Variants in MITF observed in about 807,000 individuals in gnomAD.
MITF encodes microphthalmia-associated transcription factor.
Under a neutral mutation model 60.5 loss-of-function variants are expected in MITF, and 17 were observed. That is an observed-to-expected ratio of 0.28 (90% CI 0.19 to 0.42). The LOEUF is 0.42. Among genes scored for constraint, MITF ranks in the 10% least tolerant of loss-of-function variants. The probability of loss-of-function intolerance (pLI) is 1.00; values close to 1 mark genes in which losing one functional copy is unlikely to be tolerated. For missense variants in MITF, 622 were observed against 683.5 expected (o/e 0.91, Z 1.00); for synonymous variants, 260 against 248.5 (o/e 1.05, Z -0.43).
At chr3:69,765,409 A>G (rs1298248320) in intron 1 of MITF, among the ~76,000 whole-genome samples, 1 of 152,228 alleles carries the variant, frequency 6.6e-6, no homozygotes, top group East Asian at 1.9e-4. Flanking sequence ...TTTATTCCAG[A>G]GTCAAAATAG....
At chr3:69,924,962 G>T (rs1220673175) in intron 2 of MITF, among the ~76,000 whole-genome samples, 3 of 152,064 alleles carry the variant, frequency 2.0e-5, no homozygotes, top group Non-Finnish European at 4.4e-5. Flanking sequence ...ATACAGGAAA[G>T]AGGCTGAATA....
intron 1 of MITF, among the ~76,000 whole-genome samples, chr3:69,846,648 C>G (rs1241626690): frequency 6.6e-6 from 1 of 151,804 alleles, no homozygotes; most frequent in Non-Finnish European, 1.5e-5. Flanking sequence ...GAAACCTTGT[C>G]TCTACTAAAA....
intron 2 of MITF, among the ~76,000 whole-genome samples, chr3:69,921,305 A>AT (rs2065463075): frequency 6.6e-6 from 1 of 152,194 alleles, no homozygotes; most frequent in South Asian, 2.1e-4. Context: ...TTTATTTACT[A>AT]TTTTATCAGA....
At chr3:69,919,815 G>A (rs1437614614) in intron 2 of MITF, among the ~76,000 whole-genome samples, 2 of 115,804 alleles carry the variant, frequency 1.7e-5, no homozygotes, top group Non-Finnish European at 4.5e-5. Flanking sequence ...TTATTTGCTG[G>A]GGTTTTTTTT....
intron 1 of MITF, among the ~76,000 whole-genome samples, chr3:69,806,087 ATT>A (rs1158336527): frequency 3.5e-5 from 5 of 142,352 alleles, no homozygotes; most frequent in African/African-American, 7.7e-5. Context: ...AGCAGAGCCA[ATT>A]TTTTTTTTTT....
intron 1 of MITF, among the ~76,000 whole-genome samples, chr3:69,773,124 C>T (rs2062418812): frequency 6.6e-6 from 1 of 152,040 alleles, no homozygotes; most frequent in Admixed American, 6.6e-5. Flanking sequence ...GGAGTCATGC[C>T]AGTATTTGGG....
intron 8 of MITF, among the ~76,000 whole-genome samples, chr3:69,957,356 T>G (rs958612182): frequency 6.6e-6 from 1 of 152,234 alleles, no homozygotes; most frequent in Admixed American, 6.5e-5. Flanking sequence ...AATGTAAAGA[T>G]GAAATCAAGT....
chr3:69,933,253 T>C (rs1420056247), intron 2 of MITF, among the ~76,000 whole-genome samples: 2 of 152,118 alleles, frequency 1.3e-5, no homozygotes. Context: ...TCGCTTCTAC[T>C]TGAATTCTGG....
At chr3:69,909,853 A>G (rs1270443813) in intron 2 of MITF, among the ~76,000 whole-genome samples, 4 of 152,216 alleles carry the variant, frequency 2.6e-5, no homozygotes, top group Non-Finnish European at 5.9e-5. Context: ...AAAGTTCAGA[A>G]AATTTGCAGC....
intron 1 of MITF, chr3:69,769,656 C>T (rs908639918): frequency 3.0e-4 from 46 of 152,180 alleles, no homozygotes; most frequent in African/African-American, 1.1e-3. Flanking sequence ...ATATTGATGC[C>T]GAACTCATTG....
At chr3:69,851,265 G>A (rs2063819081) in intron 1 of MITF, among the ~76,000 whole-genome samples, 1 of 152,076 alleles carries the variant, frequency 6.6e-6, no homozygotes, top group Non-Finnish European at 1.5e-5. Context: ...TTTCCTATAG[G>A]TTTCTTTAAA....
intron 1 of MITF, among the ~76,000 whole-genome samples, chr3:69,797,354 CTT>C (rs766303598): frequency 1.8e-4 from 27 of 151,748 alleles, no homozygotes; most frequent in Non-Finnish European, 2.9e-4. Flanking sequence ...TAAATGAAGA[CTT>C]ATTATAGCAT....
chr3:69,781,257 C>T (rs1360204514), intron 1 of MITF, among the ~76,000 whole-genome samples: 1 of 152,074 alleles, frequency 6.6e-6, no homozygotes, highest in Non-Finnish European at 1.5e-5. Context: ...AATACGTGAC[C>T]AGGTTGTTAA....
intron 2 of MITF, among the ~76,000 whole-genome samples, chr3:69,885,412 G>T (rs1199942681): frequency 6.6e-6 from 1 of 152,006 alleles, no homozygotes; most frequent in African/African-American, 2.4e-5. Context: ...AAAATATTAA[G>T]GTCTGGGGCC....
At chr3:69,764,411 T>C (rs1282359826) in intron 1 of MITF, among the ~76,000 whole-genome samples, 1 of 152,244 alleles carries the variant, frequency 6.6e-6, no homozygotes, top group East Asian at 1.9e-4. Context: ...TGTAAAAGAA[T>C]ACCACTTCCT....
chr3:69,874,547 C>A (rs1237529918), intron 1 of MITF, among the ~76,000 whole-genome samples: 3 of 152,194 alleles, frequency 2.0e-5, no homozygotes, highest in Non-Finnish European at 4.4e-5. Context: ...TTGCGAAGCA[C>A]AGAGATAGAC....
Position 69,776,953 on chromosome 3 carries a change from T to G in MITF, c.104+37252T>G, listed in dbSNP as rs535221467. Among the ~76,000 whole-genome samples, 8 of 152,340 alleles carry G rather than the reference T, an allele frequency of 5.3e-5. No individual in the cohort carries two copies. The South Asian group carries it at 1.7e-3, about 32-fold the overall frequency. ...AACACTCTGTGGAAATAAAAAGGATTAATATGTAGAAAATAATGTTGAGAG... is the reference window on the plus strand; with the variant it reads ...AACACTCTGTGGAAATAAAAAGGATGAATATGTAGAAAATAATGTTGAGAG... On this transcript the variant is annotated intron_variant, in intron 1 of 9. Transcript: ENST00000352241.
intron 1 of MITF, among the ~76,000 whole-genome samples, chr3:69,754,225 T>A (rs1704044243): frequency 6.6e-6 from 1 of 151,954 alleles, no homozygotes. Context: ...TCTCTCCTTT[T>A]TTTTTTTTTG....
chr3:69,762,717 G>A (rs962925833), intron 1 of MITF: 12 of 220,320 alleles, frequency 5.4e-5, no homozygotes, highest in Admixed American at 1.7e-4. Flanking sequence ...GGTTTATCTC[G>A]ACAGTCATCT....
Sources: gnomAD v4.1 joint callset for allele counts (sites outside exome capture counted in the v4.1 genomes callset) on GRCh38, gnomAD v4.1.1 for gene constraint, MANE v1.5 for transcripts, NCBI Gene and HGNC (gene_info 2026-07-23, HGNC 2026-07-21) for gene names.